The following C8orf34 variants were observed in gnomAD, a reference collection of about 807,000 sequenced individuals.
C8orf34 encodes uncharacterized protein C8orf34.
Under a neutral mutation model 68.3 loss-of-function variants are expected in C8orf34, and 65 were observed. The ratio of observed to expected loss-of-function variants is 0.95; its 90% CI spans 0.78 to 1.17. The LOEUF (loss-of-function observed/expected upper bound fraction) is 1.17, where lower values mean the gene tolerates loss of function less well. C8orf34 is among the 50% of genes most tolerant of loss of function. C8orf34 has a pLI of 0.00. For synonymous variants in C8orf34, 244 were observed against 241.2 expected (o/e 1.01, Z -0.11); for missense variants, 664 against 655.4 (o/e 1.01, Z -0.14).
chr8:68,661,641 T>C lies in C8orf34; in HGVS notation c.1241+21130T>C, dbSNP rs192747605. Among the ~76,000 whole-genome samples the C allele has an allele frequency of 6.8e-4, 104 of 152,302 alleles. 1 individual carries two copies. The highest frequency in any genetic ancestry group is 2.5e-3 in the African/African-American group (103 of 41,558). ...CTGATGGGACTAGGTTCCCTATTTGTATAAAGTTTGAATTCCTGGTCACTC... is the reference window on the plus strand; with the variant it reads ...CTGATGGGACTAGGTTCCCTATTTGCATAAAGTTTGAATTCCTGGTCACTC... On this transcript the variant is annotated intron_variant, in intron 8 of 13. Transcript: ENST00000518698.
At chr8:68,463,600 A>G (rs543658826) in intron 3 of C8orf34, among the ~76,000 whole-genome samples, 17 of 152,334 alleles carry the variant, frequency 1.1e-4, no homozygotes, top group African/African-American at 4.1e-4. Flanking sequence ...ACCATGATCA[A>G]CTGGGCTTCA....
intron 7 of C8orf34, among the ~76,000 whole-genome samples, chr8:68,539,452 G>C (rs1438642232): frequency 6.6e-6 from 1 of 152,122 alleles, no homozygotes; most frequent in African/African-American, 2.4e-5. Context: ...AACTCTTGAT[G>C]AACTTATTAA....
chr8:68,431,357 C>T (rs1810445053), intron 1 of C8orf34, among the ~76,000 whole-genome samples: 1 of 152,096 alleles, frequency 6.6e-6, no homozygotes, highest in Non-Finnish European at 1.5e-5. Flanking sequence ...TTTATGGGAA[C>T]TTCTATATAC....
At chr8:68,792,442 C>A (rs868643828) in intron 12 of C8orf34, 4 of 151,432 alleles carry the variant, frequency 2.6e-5, no homozygotes, top group Non-Finnish European at 4.4e-5. Flanking sequence ...CGTGGTGGCA[C>A]ACGCCTGTAA....
At chr8:68,345,333 A>G (rs961672482) in intron 1 of C8orf34, among the ~76,000 whole-genome samples, 2 of 151,946 alleles carry the variant, frequency 1.3e-5, no homozygotes, top group African/African-American at 2.4e-5. Flanking sequence ...AGAGATTTAA[A>G]AATATTTATT....
chr8:68,644,591 A>G (rs1351052595), intron 8 of C8orf34, among the ~76,000 whole-genome samples: 1 of 152,226 alleles, frequency 6.6e-6, no homozygotes, highest in African/African-American at 2.4e-5. Context: ...TCCTTCAGCT[A>G]GAACAAGGAT....
rs542891047 is a variant in C8orf34, at chr8:68,556,677, T to C, written c.1105+23528T>C. ...TGCGAATCAGACCATTACCCAGGGA[T>C]CCTCGGCCGATGTACTCCCTGGTGT... On this transcript the variant is annotated intron_variant, in intron 7 of 13. Coordinates refer to ENST00000518698, the MANE Select transcript of C8orf34 (RefSeq NM_052958.4). Among the ~76,000 whole-genome samples the C allele has an allele frequency of 2.6e-5, 4 of 152,224 alleles. No homozygotes were observed. In the East Asian group the frequency reaches 7.8e-4, roughly 30 times the overall value.
intron 2 of C8orf34, 104 bp downstream of exon 2, chr8:68,439,750 A>C (rs933496028): frequency 1.8e-6 from 2 of 1,125,298 alleles, no homozygotes; most frequent in African/African-American, 3.2e-5. Context: ...ATAGTTACCA[A>C]AGGTTTCATG....
intron 10 of C8orf34, among the ~76,000 whole-genome samples, chr8:68,728,435 C>G (rs1434696402): frequency 6.6e-6 from 1 of 152,204 alleles, no homozygotes; most frequent in Non-Finnish European, 1.5e-5. Flanking sequence ...TACCCAGTTC[C>G]AAAGTCGCTT....
intron 11 of C8orf34, among the ~76,000 whole-genome samples, chr8:68,777,957 G>C (rs146583041): frequency 2.6e-5 from 4 of 152,132 alleles, no homozygotes; most frequent in Admixed American, 6.5e-5. Flanking sequence ...TAGGGGTTTA[G>C]TATTACTCAG....
chr8:68,589,375 G>T (rs1481142615), intron 7 of C8orf34, among the ~76,000 whole-genome samples: 1 of 151,286 alleles, frequency 6.6e-6, no homozygotes, highest in Non-Finnish European at 1.5e-5. Flanking sequence ...AAGAACGGGA[G>T]AAAAAGAAAG....
intron 5 of C8orf34, among the ~76,000 whole-genome samples, chr8:68,496,436 T>C (rs1380647502): frequency 6.6e-6 from 1 of 152,224 alleles, no homozygotes; most frequent in African/African-American, 2.4e-5. Flanking sequence ...AATTTGAGCA[T>C]AAATTTACCT....
intron 3 of C8orf34, among the ~76,000 whole-genome samples, chr8:68,467,457 T>G (rs956999184): frequency 2.8e-5 from 4 of 143,618 alleles, no homozygotes; most frequent in Middle Eastern, 3.5e-3. Flanking sequence ...TTTTAAAAAT[T>G]TTTAGAGACT....
chr8:68,553,699 T>G (rs1286697825), intron 7 of C8orf34, among the ~76,000 whole-genome samples: 2 of 152,140 alleles, frequency 1.3e-5, no homozygotes, highest in African/African-American at 4.8e-5. Flanking sequence ...CCCCCTTTTT[T>G]ATTTCTGATT....
chr8:68,680,622 C>T (rs992797124), intron 8 of C8orf34, among the ~76,000 whole-genome samples: 2 of 152,120 alleles, frequency 1.3e-5, no homozygotes, highest in Non-Finnish European at 2.9e-5. Flanking sequence ...ACAAAGATCA[C>T]ATACTTCTGA....
At chr8:68,506,719 G>A (rs1814039600) in intron 5 of C8orf34, among the ~76,000 whole-genome samples, 1 of 152,120 alleles carries the variant, frequency 6.6e-6, no homozygotes. Context: ...TTAACTTGTG[G>A]TATTGACGCT....
intron 7 of C8orf34, among the ~76,000 whole-genome samples, chr8:68,622,840 G>T (rs1230291072): frequency 6.6e-6 from 1 of 152,140 alleles, no homozygotes; most frequent in South Asian, 2.1e-4. Flanking sequence ...ATGATTTGGG[G>T]GAAGTTTTGC....
chr8:68,367,907 G>GAAAAAAAAAAAAAAAAAAAAAAAAAAA (rs1807360133), intron 1 of C8orf34, among the ~76,000 whole-genome samples: 1 of 15,034 alleles, frequency 6.7e-5, no homozygotes, highest in Non-Finnish European at 1.3e-4. Context: ...AATAAAAAAA[G>GAAAAAAAAAAAAAAAAAAAAAAAAAAA]AAAAGAAAAA....
intron 12 of C8orf34, among the ~76,000 whole-genome samples, chr8:68,814,012 T>C (rs1358692033): frequency 6.6e-6 from 1 of 152,192 alleles, no homozygotes; most frequent in Non-Finnish European, 1.5e-5. Flanking sequence ...ACAAACCTCC[T>C]TCCCTTACAA....
Sources: allele counts gnomAD v4.1 joint callset (sites outside exome capture counted in the v4.1 genomes callset), GRCh38; gene constraint gnomAD v4.1.1; transcripts MANE v1.5; gene names NCBI Gene and HGNC (gene_info 2026-07-23, HGNC 2026-07-21).